HYCC2: variants seen among roughly 807,000 people sequenced by gnomAD.
HYCC2 encodes the protein hyccin 2.
chr2:201,058,192 C>T, the HYCC2 span, among the ~76,000 whole-genome samples: 5 of 152,296 alleles, frequency 3.3e-5, no homozygotes, highest in East Asian at 3.9e-4. Flanking sequence ...TACAACCCTG[C>T]ATCAATTCAA....
chr2:201,025,009 AG>A, the HYCC2 span, among the ~76,000 whole-genome samples: 2 of 152,192 alleles, frequency 1.3e-5, no homozygotes, highest in African/African-American at 4.8e-5. Flanking sequence ...GCTACTCAGG[AG>A]GCTGAGGCAG....
the HYCC2 span, among the ~76,000 whole-genome samples, chr2:201,013,244 A>G: frequency 5.9e-5 from 9 of 152,162 alleles, no homozygotes; most frequent in Admixed American, 2.6e-4. Flanking sequence ...TGAGGCAGGC[A>G]GTATCACTTG....
the HYCC2 span, among the ~76,000 whole-genome samples, chr2:201,042,531 C>A: frequency 2.0e-5 from 3 of 151,920 alleles, no homozygotes; most frequent in Admixed American, 2.0e-4. Flanking sequence ...GCCCCGCCGC[C>A]ACCCCGTCTG....
the HYCC2 span, among the ~76,000 whole-genome samples, chr2:201,059,218 A>G: frequency 6.6e-6 from 1 of 152,172 alleles, no homozygotes; most frequent in Non-Finnish European, 1.5e-5. Flanking sequence ...TAAATTGTGT[A>G]AGCCAATTCC....
the HYCC2 span, chr2:200,981,314 A>G: frequency 6.2e-7 from 1 of 1,614,056 alleles, no homozygotes; most frequent in South Asian, 1.1e-5. The surrounding 1 kb of genome is among the most constrained non-coding windows in gnomAD (Gnocchi z 4.5). Flanking sequence ...GGGGATCGAG[A>G]CTGCTTGGTC....
chr2:200,985,278 G>A, the HYCC2 span, among the ~76,000 whole-genome samples: 2 of 151,810 alleles, frequency 1.3e-5, no homozygotes, highest in East Asian at 1.9e-4. Flanking sequence ...TACACTGAAC[G>A]CCAAGAAGCT....
At chr2:200,994,012 A>T in the HYCC2 span, among the ~76,000 whole-genome samples, 1 of 152,066 alleles carries the variant, frequency 6.6e-6, no homozygotes, top group East Asian at 1.9e-4. Flanking sequence ...TTATATTAAG[A>T]TAAAACCATG....
chr2:200,990,862 C>T, the HYCC2 span, among the ~76,000 whole-genome samples: 4 of 152,170 alleles, frequency 2.6e-5, no homozygotes, highest in East Asian at 7.7e-4. Context: ...GAGCCACAGC[C>T]CCTGGCCTTA....
At chr2:201,070,918 T>C in the HYCC2 span, among the ~76,000 whole-genome samples, 4 of 152,124 alleles carry the variant, frequency 2.6e-5, no homozygotes, top group Non-Finnish European at 5.9e-5. Context: ...CGCAAACTAG[T>C]ATCTGTCAAG....
the HYCC2 span, among the ~76,000 whole-genome samples, chr2:201,058,397 G>A: frequency 6.6e-6 from 1 of 152,210 alleles, no homozygotes; most frequent in East Asian, 1.9e-4. Flanking sequence ...ATATTTTTGT[G>A]ATTTGGTCAC....
chr2:201,058,985 C>CA, the HYCC2 span, among the ~76,000 whole-genome samples: 1 of 152,170 alleles, frequency 6.6e-6, no homozygotes, highest in Non-Finnish European at 1.5e-5. Context: ...AAGCCTCCCC[C>CA]AAGTAGAGAG....
At chr2:201,021,252 G>C in the HYCC2 span, among the ~76,000 whole-genome samples, 1 of 151,874 alleles carries the variant, frequency 6.6e-6, no homozygotes, top group East Asian at 1.9e-4. Context: ...CTATTTTTCT[G>C]AAGTCTGAAC....
the HYCC2 span, among the ~76,000 whole-genome samples, chr2:201,032,595 T>A: frequency 1.3e-5 from 2 of 152,228 alleles, no homozygotes; most frequent in Non-Finnish European, 2.9e-5. Context: ...GGTTTTTATA[T>A]TTTGATGCAA....
the HYCC2 span, chr2:200,976,782 T>C: frequency 2.4e-3 from 366 of 152,294 alleles, 1 homozygote; most frequent in African/African-American, 8.1e-3. Flanking sequence ...TAGAACCTTT[T>C]TCAATCATAT....
At chr2:201,032,887 T>C in the HYCC2 span, among the ~76,000 whole-genome samples, 1 of 152,090 alleles carries the variant, frequency 6.6e-6, no homozygotes, top group African/African-American at 2.4e-5. Flanking sequence ...TACAAAAACA[T>C]TTTTTAAACA....
the HYCC2 span, among the ~76,000 whole-genome samples, chr2:201,050,402 G>A: frequency 6.6e-6 from 1 of 151,930 alleles, no homozygotes; most frequent in Non-Finnish European, 1.5e-5. Context: ...CTCAAGTAAA[G>A]ATGGTTTCAC....
chr2:201,033,968 C>G, the HYCC2 span, among the ~76,000 whole-genome samples: 1 of 150,618 alleles, frequency 6.6e-6, no homozygotes, highest in South Asian at 2.1e-4. Context: ...GATGACCATC[C>G]TCTAGTTTAA....
the HYCC2 span, among the ~76,000 whole-genome samples, chr2:201,037,310 T>C: frequency 6.6e-6 from 1 of 152,188 alleles, no homozygotes; most frequent in South Asian, 2.1e-4. Flanking sequence ...AAAATGGCCA[T>C]ACTGCCCAAG....
the HYCC2 span, among the ~76,000 whole-genome samples, chr2:201,056,459 G>A: frequency 6.6e-6 from 1 of 152,114 alleles, no homozygotes. Context: ...CGGATCACCT[G>A]AGGTTGGGAG....
Sources: gnomAD v4.1 joint callset for allele counts (sites outside exome capture counted in the v4.1 genomes callset) on GRCh38, gnomAD v4.1.1 for gene constraint, Gnocchi (gnomAD v3.1) non-coding constraint, MANE v1.5 for transcripts, NCBI Gene and HGNC (gene_info 2026-07-23, HGNC 2026-07-21) for gene names.